RHBDL2: variants seen among roughly 807,000 people sequenced by gnomAD.
RHBDL2 encodes the protein rhomboid-related protein 2.
In RHBDL2, 26 loss-of-function variants were observed where a neutral mutation model predicts 31.7. The observed-to-expected ratio is 0.82, with a 90% CI of 0.60 to 1.14. RHBDL2 has a LOEUF of 1.14. RHBDL2 is among the 50% of genes most tolerant of loss of function. The pLI is 0.00. For missense variants in RHBDL2, 336 were observed against 364.4 expected, an observed-to-expected ratio of 0.92 and a Z score of 0.63; for synonymous variants, 123 against 127.2, an observed-to-expected ratio of 0.97 and a Z score of 0.22.
In RHBDL2 at chr1:38,918,261, A is replaced by G. The variant is rs566787184; in HGVS notation, c.246+706T>C. Among the ~76,000 whole-genome samples the G allele has an allele frequency of 1.1e-4, 17 of 152,342 alleles. No individual in the cohort carries two copies. The South Asian group carries it at 3.3e-3, about 30-fold the overall frequency. On this transcript the variant is annotated intron_variant, in intron 2 of 7. Coordinates refer to ENST00000372990, the MANE Select transcript of RHBDL2 (RefSeq NM_017821.5). The stretch of plus-strand genomic sequence containing the variant: ...AGGCATCAGTGCATCAGTGGGAACT[A>G]AAAGGGTTACATTAGGAACTTCCTA...
chr1:38,913,892 G>T (rs1643192297), intron 3 of RHBDL2, among the ~76,000 whole-genome samples: 1 of 152,120 alleles, frequency 6.6e-6, no homozygotes, highest in African/African-American at 2.4e-5. Flanking sequence ...GCCAAGGCAG[G>T]CGGATCACAA....
chr1:38,922,221 C>G (rs565512220), intron 1 of RHBDL2, among the ~76,000 whole-genome samples: 1 of 151,356 alleles, frequency 6.6e-6, no homozygotes, highest in South Asian at 2.1e-4. Context: ...ACTTCAGGCT[C>G]TAGCACCAAA....
chr1:38,892,184 GC>G (rs948170103), intron 6 of RHBDL2, among the ~76,000 whole-genome samples: 5 of 151,922 alleles, frequency 3.3e-5, no homozygotes, highest in Admixed American at 3.3e-4. Flanking sequence ...GCTGCCACCT[GC>G]CCCCCGCTCC....
At chr1:38,908,302 T>A (rs909706265) in intron 4 of RHBDL2, among the ~76,000 whole-genome samples, 3 of 151,580 alleles carry the variant, frequency 2.0e-5, no homozygotes, top group Admixed American at 6.6e-5. Context: ...CATCTGAGGT[T>A]AGGAGTTTGA....
chr1:38,894,134 G>A (rs6600450), intron 5 of RHBDL2, among the ~76,000 whole-genome samples: 144,743 of 152,226 alleles, frequency 0.95, 69,115 homozygotes, highest in African/African-American at 0.98. Context: ...CCCAGTACAC[G>A]CATAAATCAA....
chr1:38,934,074 G>T (rs1045351194), intron 1 of RHBDL2, among the ~76,000 whole-genome samples: 5 of 152,168 alleles, frequency 3.3e-5, no homozygotes, highest in African/African-American at 1.2e-4. Context: ...AATGTCAGGT[G>T]TGGTGGCTGA....
In RHBDL2 at chr1:38,935,213, A is replaced by T. The variant is rs79791372; in HGVS notation, c.-126+6469T>A. Among the ~76,000 whole-genome samples, 20 of 152,318 alleles carry T rather than the reference A, an allele frequency of 1.3e-4. No individual in the cohort carries two copies. The East Asian group carries it at 3.9e-3, about 29-fold the overall frequency. ...TCCTCACTGTCAAACCAATTAGCCA[A>T]ATCAAAGAGATTTTCTGTCCATAAG... is the stretch of plus-strand genomic sequence containing the variant. On this transcript the variant is annotated intron_variant, in intron 1 of 7. Coordinates refer to ENST00000372990, the MANE Select transcript of RHBDL2 (RefSeq NM_017821.5).
chr1:38,930,108 C>T (rs190093576), intron 1 of RHBDL2, among the ~76,000 whole-genome samples: 2 of 152,104 alleles, frequency 1.3e-5, no homozygotes, highest in Admixed American at 6.5e-5. Flanking sequence ...CACTCTGCGT[C>T]AAAAGTTTCT....
chr1:38,936,145 C>A (rs1281378094), intron 1 of RHBDL2, among the ~76,000 whole-genome samples: 1 of 152,138 alleles, frequency 6.6e-6, no homozygotes, highest in Non-Finnish European at 1.5e-5. Context: ...TCAAGTGATC[C>A]TCTCACTTCG....
At chr1:38,903,134 G>A (rs559553251) in intron 4 of RHBDL2, among the ~76,000 whole-genome samples, 1 of 151,808 alleles carries the variant, frequency 6.6e-6, no homozygotes, top group Non-Finnish European at 1.5e-5. Flanking sequence ...AATGAAGAAT[G>A]AGAAATATAA....
At chr1:38,923,460 T>C (rs1338221975) in intron 1 of RHBDL2, among the ~76,000 whole-genome samples, 2 of 152,182 alleles carry the variant, frequency 1.3e-5, no homozygotes, top group African/African-American at 4.8e-5. Context: ...GTCCAAGGTT[T>C]CCCTCCCTGG....
chr1:38,926,926 A>G (rs900632142), intron 1 of RHBDL2: 1 of 152,330 alleles, frequency 6.6e-6, no homozygotes, highest in African/African-American at 2.4e-5. Flanking sequence ...GAAGATTAAC[A>G]TGGTCTCTAC....
chr1:38,917,261 C>T (rs1347838525), intron 2 of RHBDL2, among the ~76,000 whole-genome samples: 5 of 152,040 alleles, frequency 3.3e-5, no homozygotes, highest in Non-Finnish European at 1.5e-5. Flanking sequence ...TTGTGATCCG[C>T]CCACCTCAGC....
chr1:38,923,427 G>A (rs1225650437), intron 1 of RHBDL2, among the ~76,000 whole-genome samples: 2 of 152,164 alleles, frequency 1.3e-5, no homozygotes, highest in South Asian at 2.1e-4. Context: ...TTACACTGCT[G>A]GAATCTATTC....
At chr1:38,896,804 T>C (rs1642924358) in intron 4 of RHBDL2, among the ~76,000 whole-genome samples, 1 of 152,140 alleles carries the variant, frequency 6.6e-6, no homozygotes, top group Non-Finnish European at 1.5e-5. Context: ...TAAAATATTC[T>C]CTCTATACTG....
At chr1:38,887,566 A>G (rs1193282404) in intron 7 of RHBDL2, among the ~76,000 whole-genome samples, 2 of 152,194 alleles carry the variant, frequency 1.3e-5, no homozygotes, top group Non-Finnish European at 2.9e-5. Flanking sequence ...CTGGGATTAC[A>G]GGTGACTGCC....
chr1:38,929,516 A>G, intron 1 of RHBDL2: 2 of 1,289,446 alleles, frequency 1.6e-6, no homozygotes, highest in Non-Finnish European at 2.0e-6. Context: ...GCATTCAAAC[A>G]GGGAGGTTTT....
rs1643136456 is a variant in RHBDL2, at chr1:38,911,190, A to C, written c.508+132T>G. 1.5e-5 allele frequency: 9 copies of C among 598,098 alleles called. No homozygotes were observed. The Admixed American group carries it at 2.0e-4, about 13-fold the overall frequency. 37.0% of individuals were successfully genotyped at this position (598,098 alleles called of 1,614,324 possible). A position where few individuals can be genotyped will look rare whatever the true frequency, so the allele number is the denominator to read the frequency against. ...CTAATTCAATGATCTCTAAGGCTTA[A>C]TGTGTTCCCGAGCACATATTAGGAG... On this transcript the variant is annotated intron_variant, in intron 4 of 7. Coordinates refer to ENST00000372990, the MANE Select transcript of RHBDL2 (RefSeq NM_017821.5).
Position 38,909,011 on chromosome 1 carries a change from C to G in RHBDL2, c.508+2311G>C, listed in dbSNP as rs7545786. 4.8e-3 allele frequency among the ~76,000 whole-genome samples: 725 copies of G among 152,300 alleles called. 8 individuals carry two copies. Among genetic ancestry groups the G allele is most frequent in the African/African-American group, 0.016 (684 of 41,566 alleles). On this transcript the variant is annotated intron_variant, in intron 4 of 7. Transcript: ENST00000372990. ...AGGCCACTCGGCAGCCCGGGATCTC[C>G]TCTGACTGCCCCAGCCAAACTCCGC...
Sources: allele counts gnomAD v4.1 joint callset (sites outside exome capture counted in the v4.1 genomes callset), GRCh38; gene constraint gnomAD v4.1.1; transcripts MANE v1.5; gene names NCBI Gene and HGNC (gene_info 2026-07-23, HGNC 2026-07-21).